Variants in TASP1 observed in about 807,000 individuals in gnomAD.
TASP1 encodes threonine aspartase 1.
In TASP1, 16 loss-of-function variants were observed where a neutral mutation model predicts 56.6. That is an observed-to-expected ratio of 0.28 (90% CI 0.19 to 0.43). The LOEUF is 0.43. TASP1 is among the 20% of genes least tolerant of loss of function. TASP1 has a pLI of 1.00. For missense variants in TASP1, 393 were observed against 511.6 expected (o/e 0.77, Z 2.24); for synonymous variants, 179 against 184.2 (o/e 0.97, Z 0.23).
At chr20:13,368,611 C>G in the TASP1 span, 1 of 152,236 alleles carries the variant, frequency 6.6e-6, no homozygotes, top group African/African-American at 2.4e-5. Context: ...GAGGTAGGCA[C>G]AGATGCAGAT....
chr20:13,175,349 C>A, the TASP1 span, among the ~76,000 whole-genome samples: 1 of 152,152 alleles, frequency 6.6e-6, no homozygotes, highest in East Asian at 1.9e-4. Flanking sequence ...GAAGAGGAAC[C>A]TGAAATCATA....
At chr20:13,633,036 C>T (rs749649278) in intron 1 of TASP1, among the ~76,000 whole-genome samples, 16 of 151,984 alleles carry the variant, frequency 1.1e-4, no homozygotes, top group Non-Finnish European at 2.1e-4. Flanking sequence ...AAGTTGCTAG[C>T]GGCAGTATAA....
chr20:13,207,891 G>A, the TASP1 span, among the ~76,000 whole-genome samples: 2 of 151,948 alleles, frequency 1.3e-5, no homozygotes, highest in Admixed American at 6.6e-5. Flanking sequence ...ATATCAGTTG[G>A]GCAGAGAAAC....
intron 10 of TASP1, among the ~76,000 whole-genome samples, chr20:13,504,799 C>T (rs1011798653): frequency 6.6e-6 from 1 of 151,990 alleles, no homozygotes; most frequent in South Asian, 2.1e-4. Flanking sequence ...CATAACTATA[C>T]AATTTTTATG....
chr20:13,191,857 A>T, the TASP1 span, among the ~76,000 whole-genome samples: 1 of 152,198 alleles, frequency 6.6e-6, no homozygotes, highest in Non-Finnish European at 1.5e-5. Flanking sequence ...GTGCCTCATA[A>T]ATATGTACAA....
chr20:13,595,100 C>T (rs1039601323), intron 4 of TASP1, among the ~76,000 whole-genome samples: 131 of 152,252 alleles, frequency 8.6e-4, no homozygotes, highest in African/African-American at 3.1e-3. Flanking sequence ...GAATTTTCAA[C>T]TCAGAATTTC....
the TASP1 span, among the ~76,000 whole-genome samples, chr20:13,314,504 C>A: frequency 6.6e-6 from 1 of 151,196 alleles, no homozygotes; most frequent in East Asian, 1.9e-4. Context: ...GAAAAAAAAC[C>A]ACCTAGATCC....
At chr20:13,428,215 C>T (rs1435490146) in intron 12 of TASP1, among the ~76,000 whole-genome samples, 1 of 152,176 alleles carries the variant, frequency 6.6e-6, no homozygotes, top group African/African-American at 2.4e-5. Context: ...TTCATAGGGT[C>T]TATCAGGCTC....
chr20:13,205,990 C>T, the TASP1 span, among the ~76,000 whole-genome samples: 1 of 152,210 alleles, frequency 6.6e-6, no homozygotes, highest in African/African-American at 2.4e-5. Flanking sequence ...TCAGGACCTC[C>T]ATCACCGGGT....
At chr20:13,235,196 T>TTTACA in the TASP1 span, among the ~76,000 whole-genome samples, 1 of 152,300 alleles carries the variant, frequency 6.6e-6, no homozygotes, top group East Asian at 1.9e-4. Flanking sequence ...ATGGATTGGG[T>TTTACA]CTAGGTTTAC....
chr20:13,331,687 T>A, the TASP1 span, among the ~76,000 whole-genome samples: 1 of 151,442 alleles, frequency 6.6e-6, no homozygotes, highest in East Asian at 1.9e-4. Flanking sequence ...TTTTTTTTTT[T>A]TCTGTCACTT....
chr20:13,221,776 G>C, the TASP1 span: 1 of 1,447,434 alleles, frequency 6.9e-7, no homozygotes, highest in Non-Finnish European at 9.0e-7. Context: ...GTCTCAAAAG[G>C]ATGGTGCGCC....
At chr20:13,438,603 T>C (rs1043586869) in intron 11 of TASP1, among the ~76,000 whole-genome samples, 19 of 152,222 alleles carry the variant, frequency 1.2e-4, no homozygotes, top group Admixed American at 1.3e-4. Context: ...GGGCAAGGAC[T>C]TTATGTCTAA....
chr20:13,452,404 C>T (rs926446526), intron 11 of TASP1, among the ~76,000 whole-genome samples: 1 of 144,332 alleles, frequency 6.9e-6, no homozygotes, highest in African/African-American at 2.7e-5. Context: ...CAGTGTGATA[C>T]ACATACATTA....
At chr20:13,440,907 C>T (rs996508534) in intron 11 of TASP1, among the ~76,000 whole-genome samples, 1 of 152,236 alleles carries the variant, frequency 6.6e-6, no homozygotes, top group Non-Finnish European at 1.5e-5. Flanking sequence ...TCAGGTAACA[C>T]AAAAATCTCT....
At chr20:13,357,910 C>T in the TASP1 span, among the ~76,000 whole-genome samples, 1 of 152,196 alleles carries the variant, frequency 6.6e-6, no homozygotes, top group East Asian at 1.9e-4. Context: ...GCCAAGCCAT[C>T]GCATCCCCTG....
the TASP1 span, among the ~76,000 whole-genome samples, chr20:13,117,109 A>G: frequency 6.6e-6 from 1 of 152,216 alleles, no homozygotes; most frequent in Non-Finnish European, 1.5e-5. Flanking sequence ...AGACCTGGCC[A>G]AAAAGGCAAT....
chr20:13,382,221 A>G, the TASP1 span, among the ~76,000 whole-genome samples: 2 of 152,106 alleles, frequency 1.3e-5, no homozygotes, highest in East Asian at 3.9e-4. Flanking sequence ...GTTTCAGTAA[A>G]TTTTTCTTGA....
At chr20:13,276,740 G>A in the TASP1 span, among the ~76,000 whole-genome samples, 1 of 152,134 alleles carries the variant, frequency 6.6e-6, no homozygotes, top group Non-Finnish European at 1.5e-5. Context: ...TTTATCAACG[G>A]ATTCTTTGAT....
Sources: allele counts gnomAD v4.1 joint callset (sites outside exome capture counted in the v4.1 genomes callset), GRCh38; gene constraint gnomAD v4.1.1; transcripts MANE v1.5; gene names NCBI Gene and HGNC (gene_info 2026-07-23, HGNC 2026-07-21).